AGPAT4: variants seen among roughly 807,000 people sequenced by gnomAD.
The protein encoded by AGPAT4 is 1-acyl-sn-glycerol-3-phosphate acyltransferase delta.
AGPAT4 carries 15 observed loss-of-function variants against 48.0 expected under a neutral mutation model. The observed-to-expected ratio is 0.31, with a 90% CI of 0.21 to 0.48. The LOEUF (loss-of-function observed/expected upper bound fraction) is 0.48, where lower values mean the gene tolerates loss of function less well. Ranked by LOEUF, AGPAT4 falls within the 20% of genes least tolerant of loss-of-function variation. AGPAT4 has a pLI of 0.99. For synonymous variants in AGPAT4, 178 were observed against 198.7 expected, an observed-to-expected ratio of 0.90 and a Z score of 0.88; for missense variants, 314 against 482.5, an observed-to-expected ratio of 0.65 and a Z score of 3.27.
Position 161,244,244 on chromosome 6 carries a change from C to T in AGPAT4, c.-89-11942G>A, listed in dbSNP as rs886255073. ...AACAGGTAGGTCACAGTGCCGTCTG[C>T]CTCCCGCAAAGAAGCAGGAAGTCTT... is the stretch of plus-strand genomic sequence containing the variant. On this transcript the variant is annotated intron_variant, in intron 1 of 8. Coordinates refer to ENST00000320285, the MANE Select transcript of AGPAT4 (RefSeq NM_020133.3). This position sits in a 1 kb window ranked among gnomAD's most constrained non-coding sequence, Gnocchi z 4.7. Among the ~76,000 whole-genome samples the T allele has an allele frequency of 1.3e-5, 2 of 152,162 alleles. No individual in the cohort carries two copies. Among genetic ancestry groups the T allele is most frequent in the Non-Finnish European group, 2.9e-5 (2 of 68,032 alleles).
rs1419420881 is a variant in AGPAT4 at position 161,232,512 on chromosome 6, C to T, written c.-89-210G>A. The stretch of plus-strand genomic sequence containing the variant: ...ACAATAATCCTTCCTTTAATTCTCC[C>T]AATATCCTCTGAGGTTGGTACTTTG... On this transcript the variant is annotated intron_variant, in intron 1 of 8. Transcript: ENST00000320285. The surrounding 1 kb of genome is among the most constrained non-coding windows in gnomAD (Gnocchi z 6.8). Among the ~76,000 whole-genome samples, 1 of 152,192 alleles carries T rather than the reference C, an allele frequency of 6.6e-6. No homozygotes were observed. Among genetic ancestry groups the T allele is most frequent in the Non-Finnish European group, 1.5e-5 (1 of 68,048 alleles).
In AGPAT4 at chr6:161,266,232, C is replaced by T. The variant is rs1672980306; in HGVS notation, c.-90+7706G>A. 6.6e-6 allele frequency among the ~76,000 whole-genome samples: 1 copy of T among 152,198 alleles called. No individual in the cohort carries two copies. The highest frequency in any genetic ancestry group is 2.4e-5 in the African/African-American group (1 of 41,452). ...AGGATTAATGGGCCCAAAATCTCAA[C>T]ATCGAGATTGAGAAACACCTCGCCC... On this transcript the variant is annotated intron_variant, in intron 1 of 8. Transcript: ENST00000320285. The surrounding 1 kb of genome is among the most constrained non-coding windows in gnomAD (Gnocchi z 6.2).
At position 161,130,292 on chromosome 6, in the gene AGPAT4, G is replaced by A. The variant is rs1298191017; in HGVS notation, c.*6248C>T. 1 of 152,290 alleles carries A rather than the reference G, an allele frequency of 6.6e-6. No homozygotes were observed. The highest frequency in any genetic ancestry group is 1.5e-5 in the Non-Finnish European group (1 of 68,226). 9.4% of individuals were successfully genotyped at this position (152,290 alleles called of 1,614,324 possible). A position where few individuals can be genotyped will look rare whatever the true frequency, so the allele number is the denominator to read the frequency against. ...TTCGTTCTCATAACTTATTTGAAAA[G>A]GCACATTTGGTCAGTCTGATGTCAT... On this transcript the variant is annotated 3_prime_UTR_variant, in exon 9 of 9. Coordinates refer to ENST00000320285, the MANE Select transcript of AGPAT4 (RefSeq NM_020133.3).
intron 2 of AGPAT4, among the ~76,000 whole-genome samples, chr6:161,187,231 T>A (rs1562329689): frequency 6.6e-6 from 1 of 152,250 alleles, no homozygotes; most frequent in Non-Finnish European, 1.5e-5. Flanking sequence ...CCTTCCATAC[T>A]TTCTTTCTCA....
rs1434524339 is a variant in AGPAT4 at position 161,136,508 on chromosome 6, A to C, written c.*32T>G. On this transcript the variant is annotated 3_prime_UTR_variant, in exon 9 of 9. Coordinates refer to ENST00000320285, the MANE Select transcript of AGPAT4 (RefSeq NM_020133.3). The stretch of plus-strand genomic sequence containing the variant: ...ATATGCAGAGGCCACCAGTTCCCCA[A>C]GGTTCCCTTCGGATGGTGACACCTC... 2 of 1,600,586 alleles carry C rather than the reference A, an allele frequency of 1.2e-6. No individual in the cohort carries two copies.
In AGPAT4 at chr6:161,232,202, C is replaced by A; in HGVS notation, c.12G>T (p.Ala4=). The A allele has an allele frequency of 6.2e-7, 1 of 1,613,882 alleles. No homozygotes were observed. The highest frequency in any genetic ancestry group is 8.5e-7 in the Non-Finnish European group (1 of 1,179,980). ...ACAGGAACTGAGACTTCAGCAGTCC[C>A]GCGAGGTCCATGATGCGTGGACGCT... MDL[A]GLLKSQFLCH... is the part of the protein sequence containing the mutation. Residue 4 remains alanine (A), a synonymous_variant, in exon 2 of 9, where the codon GCG becomes GCT. Coordinates refer to ENST00000320285, the MANE Select transcript of AGPAT4 (RefSeq NM_020133.3). This position sits in a 1 kb window ranked among gnomAD's most constrained non-coding sequence, Gnocchi z 6.8.
rs979585110 is a variant in AGPAT4 at position 161,135,518 on chromosome 6, A to G, written c.*1022T>C. 1 of 152,270 alleles carries G rather than the reference A, an allele frequency of 6.6e-6. No individual in the cohort carries two copies. The highest frequency in any genetic ancestry group is 1.5e-5 in the Non-Finnish European group (1 of 68,108). The allele number at this position is 152,270 out of a possible 1,614,324, so 9.4% of individuals were successfully genotyped here. On this transcript the variant is annotated 3_prime_UTR_variant, in exon 9 of 9. Transcript: ENST00000320285. ...GCAGAAGCCTGGGGGTTTTTTGTACATGGGATGTCGGCTCTGATTTGACCC... is the reference window on the plus strand; with the variant it reads ...GCAGAAGCCTGGGGGTTTTTTGTACGTGGGATGTCGGCTCTGATTTGACCC...
chr6:161,169,817 A>G lies in AGPAT4; in HGVS notation c.179-3400T>C, dbSNP rs1004593793. Among the ~76,000 whole-genome samples the G allele has an allele frequency of 6.6e-6, 1 of 152,148 alleles. No homozygotes were observed. The highest frequency in any genetic ancestry group is 2.4e-5 in the African/African-American group (1 of 41,436). ...CATTTCCCAAACTTCCCTTTCTTGT[A>G]TATTTCTGGTTAGAGGGCACCACAA... On this transcript the variant is annotated intron_variant, in intron 2 of 8. Coordinates refer to ENST00000320285, the MANE Select transcript of AGPAT4 (RefSeq NM_020133.3). This position sits in a 1 kb window ranked among gnomAD's most constrained non-coding sequence, Gnocchi z 5.0.
intron 3 of AGPAT4, among the ~76,000 whole-genome samples, chr6:161,157,807 G>A (rs747671985): frequency 9.2e-5 from 14 of 152,234 alleles, no homozygotes; most frequent in Non-Finnish European, 1.9e-4. Flanking sequence ...AGGGCTGCAT[G>A]AAAAGCTCTG....
intron 2 of AGPAT4, among the ~76,000 whole-genome samples, chr6:161,230,883 G>T (rs1315750502): frequency 2.6e-5 from 4 of 152,100 alleles, no homozygotes; most frequent in Admixed American, 1.3e-4. Flanking sequence ...ATAGTATCAG[G>T]CCTATTTGCA....
rs573329048 is a variant in AGPAT4, at chr6:161,189,553, A to G, written c.179-23136T>C. ...TATCCCTCCTCTGCACAGATGAAGA[A>G]GCTGAGGCTCTGAAAGTCTTAGCAA... On this transcript the variant is annotated intron_variant, in intron 2 of 8. Coordinates refer to ENST00000320285, the MANE Select transcript of AGPAT4 (RefSeq NM_020133.3). This position sits in a 1 kb window ranked among gnomAD's most constrained non-coding sequence, Gnocchi z 5.3. Among the ~76,000 whole-genome samples the G allele has an allele frequency of 7.2e-5, 11 of 152,300 alleles. No individual in the cohort carries two copies. Among genetic ancestry groups the G allele is most frequent in the African/African-American group, 2.4e-4 (10 of 41,564 alleles).
In AGPAT4 at chr6:161,267,534, G is replaced by A. The variant is rs112116770; in HGVS notation, c.-90+6404C>T. 0.05 allele frequency among the ~76,000 whole-genome samples: 7,611 copies of A among 151,912 alleles called. 308 individuals are homozygous for A. Among genetic ancestry groups the A allele is most frequent in the East Asian group, 0.24 (1,220 of 5,148 alleles). On this transcript the variant is annotated intron_variant, in intron 1 of 8. Transcript: ENST00000320285. The surrounding 1 kb of genome is among the most constrained non-coding windows in gnomAD (Gnocchi z 5.2). ...TTCGAGACCAGCCTGGCCAACATGG[G>A]GAAACCCTGTCTCTACTAAAAATAC...
intron 2 of AGPAT4, among the ~76,000 whole-genome samples, chr6:161,182,898 C>T (rs534523358): frequency 6.6e-6 from 1 of 152,300 alleles, no homozygotes; most frequent in South Asian, 2.1e-4. Flanking sequence ...AGCTTCCCAC[C>T]CCATGGTGGA....
intron 2 of AGPAT4, among the ~76,000 whole-genome samples, chr6:161,192,034 C>A (rs79312945): frequency 1.5e-5 from 2 of 131,940 alleles, no homozygotes; most frequent in African/African-American, 3.5e-5. Context: ...TTTGTGCATT[C>A]CTTTTTTTTT....
chr6:161,172,845 C>T (rs1175468421), intron 2 of AGPAT4, among the ~76,000 whole-genome samples: 2 of 151,478 alleles, frequency 1.3e-5, no homozygotes, highest in East Asian at 3.9e-4. Flanking sequence ...TTCCTGTGTC[C>T]AAGTGTTCTC....
In AGPAT4 at chr6:161,270,196, C is replaced by T. The variant is rs1437863520; in HGVS notation, c.-90+3742G>A. ...CAGTTGCATCTGTGGGACCTGACACCTATTAAACACGTAATAAACAGCTGT... is the reference window on the plus strand; with the variant it reads ...CAGTTGCATCTGTGGGACCTGACACTTATTAAACACGTAATAAACAGCTGT... On this transcript the variant is annotated intron_variant, in intron 1 of 8. Coordinates refer to ENST00000320285, the MANE Select transcript of AGPAT4 (RefSeq NM_020133.3). This position sits in a 1 kb window ranked among gnomAD's most constrained non-coding sequence, Gnocchi z 5.3. Among the ~76,000 whole-genome samples, 1 of 152,156 alleles carries T rather than the reference C, an allele frequency of 6.6e-6. No individual in the cohort carries two copies. Among genetic ancestry groups the T allele is most frequent in the Non-Finnish European group, 1.5e-5 (1 of 68,026 alleles).
chr6:161,130,194 C>T lies in AGPAT4; in HGVS notation c.*6346G>A, dbSNP rs1260699481. The T allele has an allele frequency of 6.6e-6, 1 of 152,176 alleles. No individual in the cohort carries two copies. The highest frequency in any genetic ancestry group is 2.4e-5 in the African/African-American group (1 of 41,436). The allele number at this position is 152,176 out of a possible 1,614,324, so 9.4% of individuals were successfully genotyped here. ...AAAGTTACCATTCATTCGGTCCAAA[C>T]ATCCACCCAATCCACACGTTCTCTC... On this transcript the variant is annotated 3_prime_UTR_variant, in exon 9 of 9. Coordinates refer to ENST00000320285, the MANE Select transcript of AGPAT4 (RefSeq NM_020133.3).
chr6:161,203,629 C>A (rs1314527845), intron 2 of AGPAT4, among the ~76,000 whole-genome samples: 1 of 152,044 alleles, frequency 6.6e-6, no homozygotes, highest in African/African-American at 2.4e-5. Context: ...AACTCCTGAC[C>A]TCAAGTAATC....
rs184396703 is a variant in AGPAT4 at position 161,267,258 on chromosome 6, C to A, written c.-90+6680G>T. Among the ~76,000 whole-genome samples, 1 of 152,342 alleles carries A rather than the reference C, an allele frequency of 6.6e-6. No homozygotes were observed. Among genetic ancestry groups the A allele is most frequent in the Non-Finnish European group, 1.5e-5 (1 of 68,026 alleles). ...TGGCTAAACCATAATAAAAACAACA[C>A]TCCCTGAAAACTATAGTAGCTTGTC... On this transcript the variant is annotated intron_variant, in intron 1 of 8. Transcript: ENST00000320285. The surrounding 1 kb of genome is among the most constrained non-coding windows in gnomAD (Gnocchi z 5.2).
Sources: gnomAD v4.1 joint callset for allele counts (sites outside exome capture counted in the v4.1 genomes callset) on GRCh38, gnomAD v4.1.1 for gene constraint, Gnocchi (gnomAD v3.1) non-coding constraint, MANE v1.5 for transcripts, NCBI Gene and HGNC (gene_info 2026-07-23, HGNC 2026-07-21) for gene names.